PCDHGB2: variants seen among roughly 807,000 people sequenced by gnomAD.
The protein encoded by PCDHGB2 is protocadherin gamma-B2.
PCDHGB2 carries 55 observed loss-of-function variants against 59.3 expected under a neutral mutation model. The ratio of observed to expected loss-of-function variants is 0.93; its 90% CI spans 0.75 to 1.16. The LOEUF is 1.16. Among genes scored for constraint, PCDHGB2 ranks in the 50% most tolerant of loss-of-function variants. PCDHGB2 has a pLI of 0.00. For synonymous variants in PCDHGB2, 516 were observed against 512.0 expected, an observed-to-expected ratio of 1.01 and a Z score of -0.11; for missense variants, 1,228 against 1,198.5, an observed-to-expected ratio of 1.02 and a Z score of -0.36.
chr5:141,476,564 C>G lies in PCDHGB2; in HGVS notation c.2422-18243C>G, dbSNP rs2099393821. 1.2e-6 allele frequency: 2 copies of G among 1,614,196 alleles called. No individual in the cohort carries two copies. Among genetic ancestry groups the G allele is most frequent in the South Asian group, 1.1e-5 (1 of 91,086 alleles). ...ATTGGAGATTAGCGAGGCCGTGGCT[C>G]CGGGGACGCGCTTTCCGCTCGAGAG... On this transcript the variant is annotated intron_variant, in intron 1 of 3. Coordinates refer to ENST00000522605, the MANE Select transcript of PCDHGB2 (RefSeq NM_018923.3). This position sits in a 1 kb window ranked among gnomAD's most constrained non-coding sequence, Gnocchi z 7.6.
At chr5:141,389,195 C>T (rs764168847) in intron 1 of PCDHGB2, 2 of 1,614,052 alleles carry the variant, frequency 1.2e-6, no homozygotes, top group Non-Finnish European at 1.7e-6. Flanking sequence ...CCAGCATCAC[C>T]CTGCACATTG....
chr5:141,453,318 AG>A (rs1299190594), intron 1 of PCDHGB2, among the ~76,000 whole-genome samples: 2 of 151,458 alleles, frequency 1.3e-5, no homozygotes, highest in Non-Finnish European at 2.9e-5. Context: ...TTTATTTTAG[AG>A]ATGGGGTCTC....
At chr5:141,501,987 G>A (rs1462571527) in intron 2 of PCDHGB2, among the ~76,000 whole-genome samples, 2 of 152,016 alleles carry the variant, frequency 1.3e-5, no homozygotes, top group Non-Finnish European at 2.9e-5. Flanking sequence ...TGGTCCCGTT[G>A]TCTCCCTGAC....
rs202040451 is a variant in PCDHGB2, at chr5:141,382,987, C to A, written c.2421+20431C>A. The A allele has an allele frequency of 1.5e-4, 247 of 1,613,278 alleles. 1 individual carries two copies. The East Asian group carries it at 4.5e-3, about 30-fold the overall frequency. On this transcript the variant is annotated intron_variant, in intron 1 of 3. Transcript: ENST00000522605. ...GACCCCCTGGGAAGCCTGGGCAGGA[C>A]GTATTCTCTACTCCGTGTCGGAGGA...
Position 141,485,175 on chromosome 5 carries a change from T to C in PCDHGB2, c.2422-9632T>C, listed in dbSNP as rs2099608731. ...GTAGAGAATTAGCGGGCGGCAGCAA[T>C]GCTCCGCAAGGTGAGAAGCTGGACA... On this transcript the variant is annotated intron_variant, in intron 1 of 3. Coordinates refer to ENST00000522605, the MANE Select transcript of PCDHGB2 (RefSeq NM_018923.3). The surrounding 1 kb of genome is among the most constrained non-coding windows in gnomAD (Gnocchi z 5.7). 6.2e-7 allele frequency: 1 copy of C among 1,611,486 alleles called. No homozygotes were observed. Among genetic ancestry groups the C allele is most frequent in the Non-Finnish European group, 8.5e-7 (1 of 1,177,998 alleles).
intron 1 of PCDHGB2, chr5:141,407,918 C>T (rs890872713): frequency 1.1e-5 from 5 of 472,514 alleles, no homozygotes. Context: ...GGGCTGCTGT[C>T]CCGCACGGAG....
intron 1 of PCDHGB2, 88 bp from the exon 2 acceptor site, chr5:141,494,719 C>T: frequency 6.2e-7 from 1 of 1,605,960 alleles, no homozygotes; most frequent in Non-Finnish European, 8.5e-7. Flanking sequence ...CCACTCCCCT[C>T]CTTCTCTCCC....
chr5:141,371,742 C>T (rs773429109), intron 1 of PCDHGB2: 16 of 1,613,950 alleles, frequency 9.9e-6, no homozygotes, highest in Middle Eastern at 1.6e-4. Flanking sequence ...CGACAACGTT[C>T]CCGTTTTCCA....
intron 1 of PCDHGB2, chr5:141,388,158 A>T (rs763395906): frequency 3.4e-5 from 50 of 1,469,960 alleles, no homozygotes; most frequent in Non-Finnish European, 4.7e-5. Flanking sequence ...CAGGCTAGAC[A>T]GGGAGGAGAT....
At chr5:141,424,936 C>G (rs1160449329) in intron 1 of PCDHGB2, among the ~76,000 whole-genome samples, 1 of 152,182 alleles carries the variant, frequency 6.6e-6, no homozygotes, top group Non-Finnish European at 1.5e-5. Flanking sequence ...AGTCAACACT[C>G]TCACATCACT....
In PCDHGB2 at chr5:141,489,621, T is replaced by C. The variant is rs765666746; in HGVS notation, c.2422-5186T>C. 29 of 1,613,978 alleles carry C rather than the reference T, an allele frequency of 1.8e-5. No individual in the cohort carries two copies. The highest frequency in any genetic ancestry group is 1.6e-4 in the Middle Eastern group (1 of 6,084). On this transcript the variant is annotated intron_variant, in intron 1 of 3. Transcript: ENST00000522605. The surrounding 1 kb of genome is among the most constrained non-coding windows in gnomAD (Gnocchi z 4.5). ...TAGAGGTAGAGATCCTGGATCTCAATGACAACTCTCCTAGCTTTGCCACCC... is the reference window on the plus strand; with the variant it reads ...TAGAGGTAGAGATCCTGGATCTCAACGACAACTCTCCTAGCTTTGCCACCC...
At chr5:141,375,183 C>T (rs773640182) in intron 1 of PCDHGB2, 12 of 1,613,848 alleles carry the variant, frequency 7.4e-6, no homozygotes, top group Admixed American at 1.7e-5. Flanking sequence ...ACAGTAATCG[C>T]CCTTTTTCAA....
chr5:141,412,554 C>T (rs2095562022), intron 1 of PCDHGB2: 1 of 152,094 alleles, frequency 6.6e-6, no homozygotes, highest in Non-Finnish European at 1.5e-5. Context: ...TGAATTATCT[C>T]ATGAGTTTAT....
chr5:141,487,069 T>C lies in PCDHGB2; in HGVS notation c.2422-7738T>C, dbSNP rs750739955. 26 of 1,614,160 alleles carry C rather than the reference T, an allele frequency of 1.6e-5. No homozygotes were observed. Among genetic ancestry groups the C allele is most frequent in the Non-Finnish European group, 2.0e-5 (24 of 1,180,002 alleles). On this transcript the variant is annotated intron_variant, in intron 1 of 3. Transcript: ENST00000522605. This position sits in a 1 kb window ranked among gnomAD's most constrained non-coding sequence, Gnocchi z 5.0. The stretch of plus-strand genomic sequence containing the variant: ...ATGCTGGGGAGGTGCGGACGGCTGT[T>C]CCTATCCCAGCTGACCTCCCACCAC...
intron 1 of PCDHGB2, chr5:141,440,535 G>A (rs1305958587): frequency 1.3e-5 from 2 of 152,154 alleles, no homozygotes; most frequent in East Asian, 1.9e-4. Flanking sequence ...CATGCACCAC[G>A]GTTCAGCAGG....
intron 1 of PCDHGB2, among the ~76,000 whole-genome samples, chr5:141,464,803 G>A (rs933573443): frequency 1.5e-4 from 23 of 152,092 alleles, no homozygotes; most frequent in African/African-American, 5.1e-4. Context: ...CAGTGATGCA[G>A]TCATAGCTCA....
chr5:141,372,093 C>T (rs775337385), intron 1 of PCDHGB2: 1 of 1,613,786 alleles, frequency 6.2e-7, no homozygotes, highest in Admixed American at 1.7e-5. Flanking sequence ...GTACCCAGCT[C>T]TGGGGCCCGA....
chr5:141,451,163 G>A (rs2098709493), intron 1 of PCDHGB2, among the ~76,000 whole-genome samples: 1 of 152,086 alleles, frequency 6.6e-6, no homozygotes, highest in African/African-American at 2.4e-5. Flanking sequence ...TTTTTTGGTA[G>A]TATATTATTT....
intron 1 of PCDHGB2, chr5:141,389,125 C>T: frequency 6.2e-7 from 1 of 1,614,004 alleles, no homozygotes; most frequent in African/African-American, 1.3e-5. Flanking sequence ...GAGCAGAATC[C>T]AGAGTACAAT....
Sources: gnomAD v4.1 joint callset for allele counts (sites outside exome capture counted in the v4.1 genomes callset) on GRCh38, gnomAD v4.1.1 for gene constraint, Gnocchi (gnomAD v3.1) non-coding constraint, MANE v1.5 for transcripts, NCBI Gene and HGNC (gene_info 2026-07-23, HGNC 2026-07-21) for gene names.